The following ARHGEF18 variants were observed in gnomAD, a reference collection of about 807,000 sequenced individuals.
The protein encoded by ARHGEF18 is rho guanine nucleotide exchange factor 18.
A neutral mutation model predicts 155.7 loss-of-function variants in ARHGEF18; 93 were observed. That is an observed-to-expected ratio of 0.60 (90% CI 0.50 to 0.71). The LOEUF (loss-of-function observed/expected upper bound fraction) is 0.71. Ranked by LOEUF, ARHGEF18 falls within the 30% of genes least tolerant of loss-of-function variation. ARHGEF18 has a pLI of 0.00. For missense variants in ARHGEF18, 1,593 were observed against 1,816.1 expected (o/e 0.88, Z 2.23); for synonymous variants, 742 against 753.1 (o/e 0.99, Z 0.24).
chr19:7,369,094 C>A (rs1254610998), intron 2 of ARHGEF18, among the ~76,000 whole-genome samples: 1 of 152,090 alleles, frequency 6.6e-6, no homozygotes, highest in Non-Finnish European at 1.5e-5. Context: ...CTTTGGGAGG[C>A]CGAGGCGGGT....
intron 10 of ARHGEF18, among the ~76,000 whole-genome samples, chr19:7,419,852 T>C (rs927465922): frequency 1.3e-5 from 2 of 151,610 alleles, no homozygotes; most frequent in Non-Finnish European, 2.9e-5. Flanking sequence ...CCCTCCACCA[T>C]AGAAAGCTGC....
At chr19:7,374,866 C>T (rs1356535417) in intron 3 of ARHGEF18, among the ~76,000 whole-genome samples, 2 of 152,150 alleles carry the variant, frequency 1.3e-5, no homozygotes, top group Non-Finnish European at 2.9e-5. Flanking sequence ...ATGATCAGAA[C>T]GGAAATGTGT....
Position 7,466,970 on chromosome 19 carries a change from C to A in ARHGEF18, c.2957C>A (p.Ser986Ter). The A allele has an allele frequency of 1.2e-6, 2 of 1,613,336 alleles. No individual in the cohort carries two copies. Among genetic ancestry groups the A allele is most frequent in the Non-Finnish European group, 1.7e-6 (2 of 1,179,998 alleles). Residue 986 changes from serine to a stop codon, truncating the protein, a stop_gained, in exon 24 of 29, where the codon TCG becomes TAG. Coordinates refer to ENST00000668164, the MANE Select transcript of ARHGEF18 (RefSeq NM_001367823.1). LOFTEE classifies it high-confidence loss of function. The part of the protein sequence containing the change: ...SDPRLPTVLE[S>*]ELVQRIQTLS... ...CCCCGTCTGCCCACCGTCCTGGAGT[C>A]GGAGGTAGGCGCCCGCGGGTCTCCA...
chr19:7,450,402 C>T (rs797001516), intron 15 of ARHGEF18, among the ~76,000 whole-genome samples: 6 of 131,390 alleles, frequency 4.6e-5, no homozygotes, highest in South Asian at 2.5e-4. Context: ...TCTTGCTGTC[C>T]GTTTCCAAGA....
intron 1 of ARHGEF18, among the ~76,000 whole-genome samples, chr19:7,361,312 C>T (rs920016382): frequency 6.6e-6 from 1 of 152,144 alleles, no homozygotes; most frequent in African/African-American, 2.4e-5. Context: ...GTGGTGCATA[C>T]GTGTAATCCC....
intron 10 of ARHGEF18, among the ~76,000 whole-genome samples, chr19:7,434,829 C>T (rs1374472197): frequency 6.6e-6 from 1 of 152,176 alleles, no homozygotes; most frequent in Non-Finnish European, 1.5e-5. Context: ...ACAGACCATA[C>T]AATGCACCCA....
chr19:7,381,086 G>A (rs1182352778), intron 8 of ARHGEF18, 92 bp downstream of exon 8: 3 of 1,011,740 alleles, frequency 3.0e-6, no homozygotes, highest in Non-Finnish European at 3.8e-6. Context: ...CCATGCTGGG[G>A]GCAGGAGCTG....
the ARHGEF18 span, among the ~76,000 whole-genome samples, chr19:7,479,555 G>A: frequency 6.6e-6 from 1 of 152,212 alleles, no homozygotes; most frequent in African/African-American, 2.4e-5. Context: ...CTGATGCTCC[G>A]GCAGCCCTGG....
chr19:7,438,590 T>C (rs373622144), intron 10 of ARHGEF18, among the ~76,000 whole-genome samples: 5 of 151,970 alleles, frequency 3.3e-5, no homozygotes, highest in African/African-American at 7.2e-5. Context: ...TTTGTATTTT[T>C]AGTAGAGATG....
chr19:7,469,724 T>C (rs1018226176), intron 27 of ARHGEF18, among the ~76,000 whole-genome samples, 180 bp from the exon 28 acceptor site: 1 of 151,862 alleles, frequency 6.6e-6, no homozygotes, highest in Non-Finnish European at 1.5e-5. Context: ...CGCAGGGAGG[T>C]TGGGGCCGTT....
Position 7,447,037 on chromosome 19 carries a change from T to G in ARHGEF18, c.1612-6T>G, listed in dbSNP as rs749103583. ...TAATTAACATTTCCATCCTTTTGTT[T>G]ATCAGTTTTCAGGTGAAAATGGGGA... On this transcript the variant is annotated splice_region_variant and splice_polypyrimidine_tract_variant and intron_variant, in intron 14 of 28. Transcript: ENST00000668164. 2 of 1,611,282 alleles carry G rather than the reference T, an allele frequency of 1.2e-6. No individual in the cohort carries two copies. Among genetic ancestry groups the G allele is most frequent in the East Asian group, 4.5e-5 (2 of 44,832 alleles).
Position 7,470,826 on chromosome 19 carries a change from CT to C in ARHGEF18, c.*530del, listed in dbSNP as rs1976982206. ...TGTCCCCAGAATCAGGCAGAATCCA[CT>C]TCCCAAACAGAGCCCCACGCAGGTT... On this transcript the variant is annotated 3_prime_UTR_variant, in exon 29 of 29. Coordinates refer to ENST00000668164, the MANE Select transcript of ARHGEF18 (RefSeq NM_001367823.1). This position sits in a 1 kb window ranked among gnomAD's most constrained non-coding sequence, Gnocchi z 5.9. 2.5e-6 allele frequency: 1 copy of C among 401,132 alleles called. No homozygotes were observed. Among genetic ancestry groups the C allele is most frequent in the Non-Finnish European group, 4.4e-6 (1 of 226,266 alleles). The allele number at this position is 401,132 out of a possible 1,614,324, so 24.8% of individuals were successfully genotyped here.
At chr19:7,358,551 CCCAT>C (rs201738875) in intron 1 of ARHGEF18, among the ~76,000 whole-genome samples, 1 of 147,516 alleles carries the variant, frequency 6.8e-6, no homozygotes, top group Admixed American at 6.7e-5. Flanking sequence ...CATCCACTCA[CCCAT>C]CCATCCATCC....
At position 7,466,104 on chromosome 19, in the gene ARHGEF18, C is replaced by T. The variant is rs567248866; in HGVS notation, c.2905-814C>T. Among the ~76,000 whole-genome samples the T allele has an allele frequency of 4.6e-5, 7 of 151,942 alleles. No individual in the cohort carries two copies. In the South Asian group the frequency reaches 1.5e-3, roughly 32 times the overall value. ...GTTTCAAAAAAGTTAAAAATAGCTG[C>T]TGGGTGTGGTGGCTCACGCCTGTAA... On this transcript the variant is annotated intron_variant, in intron 23 of 28. Transcript: ENST00000668164.
intron 1 of ARHGEF18, among the ~76,000 whole-genome samples, chr19:7,362,011 A>G (rs140525807): frequency 0.04 from 3,404 of 85,018 alleles, 409 homozygotes; most frequent in African/African-American, 0.15. Flanking sequence ...GAAGAAGAAG[A>G]AGAAGGAGAA....
At chr19:7,404,457 CTTT>C (rs35583640) in intron 10 of ARHGEF18, among the ~76,000 whole-genome samples, 6 of 115,268 alleles carry the variant, frequency 5.2e-5, no homozygotes, top group African/African-American at 1.2e-4. Flanking sequence ...GGATCTCTCT[CTTT>C]TTTTTTTTTT....
At chr19:7,383,226 T>C (rs2145454693) in intron 10 of ARHGEF18, 23 bp downstream of exon 10, 2 of 1,232,292 alleles carry the variant, frequency 1.6e-6, no homozygotes, top group Non-Finnish European at 2.0e-6. Context: ...GCCCAATCCA[T>C]CCTCCTGGAG....
chr19:7,358,159 TTCCA>T (rs72488503), intron 1 of ARHGEF18, among the ~76,000 whole-genome samples: 135,231 of 146,932 alleles, frequency 0.92, 62,367 homozygotes, highest in East Asian at 0.97. Context: ...CCATCCATCC[TTCCA>T]TCCATCCATC....
At position 7,464,703 on chromosome 19, in the gene ARHGEF18, C is replaced by G; in HGVS notation, c.2904+13C>G. 1 of 1,613,858 alleles carries G rather than the reference C, an allele frequency of 6.2e-7. No individual in the cohort carries two copies. Among genetic ancestry groups the G allele is most frequent in the Non-Finnish European group, 8.5e-7 (1 of 1,179,922 alleles). ...ATCGCCGCAGGTGGTACGTGGATAT[C>G]CATTTGCTCGGTACAGTCTGAGTCG... On this transcript the variant is annotated intron_variant, in intron 23 of 28. Transcript: ENST00000668164.
Sources: gnomAD v4.1 joint callset for allele counts (sites outside exome capture counted in the v4.1 genomes callset) on GRCh38, gnomAD v4.1.1 for gene constraint, Gnocchi (gnomAD v3.1) non-coding constraint, MANE v1.5 for transcripts, NCBI Gene and HGNC (gene_info 2026-07-23, HGNC 2026-07-21) for gene names.